Variants in TPCN1 observed in about 807,000 individuals in gnomAD.
TPCN1 encodes the protein two pore channel protein 1.
Under a neutral mutation model 108.8 loss-of-function variants are expected in TPCN1, and 52 were observed. The observed-to-expected ratio is 0.48, with a 90% CI of 0.38 to 0.60. The LOEUF (loss-of-function observed/expected upper bound fraction) is 0.60, where lower values mean the gene tolerates loss of function less well. Ranked by LOEUF, TPCN1 falls within the 20% of genes least tolerant of loss-of-function variation. The pLI is 0.00. For missense variants in TPCN1, 806 were observed against 1,072.8 expected (o/e 0.75, Z 3.47); for synonymous variants, 446 against 433.7 (o/e 1.03, Z -0.35).
At chr12:113,278,056 C>G in intron 12 of TPCN1, 133 bp from the exon 13 acceptor site, 1 of 691,624 alleles carries the variant, frequency 1.4e-6, no homozygotes, top group Non-Finnish European at 2.6e-6. Context: ...CACTGCTGTG[C>G]TGGGACTCAC....
chr12:113,230,030 T>C (rs1953625971), intron 2 of TPCN1, among the ~76,000 whole-genome samples: 1 of 152,220 alleles, frequency 6.6e-6, no homozygotes, highest in Non-Finnish European at 1.5e-5. Flanking sequence ...TCCACCTTGC[T>C]GGCAAGTCAG....
At chr12:113,225,245 G>C in intron 1 of TPCN1, 1 of 453,206 alleles carries the variant, frequency 2.2e-6, no homozygotes, top group South Asian at 1.6e-5. Context: ...ATTTTGTAGA[G>C]ATGGAGTCTT....
At chr12:113,255,402 A>C (rs1047696276) in intron 2 of TPCN1, among the ~76,000 whole-genome samples, 1 of 152,214 alleles carries the variant, frequency 6.6e-6, no homozygotes, top group Non-Finnish European at 1.5e-5. Context: ...AAAAGATCAA[A>C]ATAAACTGAC....
At chr12:113,247,840 C>T (rs931137763) in intron 2 of TPCN1, among the ~76,000 whole-genome samples, 13 of 152,228 alleles carry the variant, frequency 8.5e-5, no homozygotes, top group African/African-American at 3.1e-4. Flanking sequence ...ATCCCTCTCT[C>T]CGTGTGGAGA....
Position 113,269,686 on chromosome 12 carries a change from C to A in TPCN1, c.660-71C>A. 7.6e-7 allele frequency: 1 copy of A among 1,322,400 alleles called. No homozygotes were observed. Among genetic ancestry groups the A allele is most frequent in the Non-Finnish European group, 1.1e-6 (1 of 929,346 alleles). The allele number at this position is 1,322,400 out of a possible 1,614,324, so 81.9% of individuals were successfully genotyped here. On this transcript the variant is annotated intron_variant, in intron 6 of 27. Transcript: ENST00000335509. The surrounding 1 kb of genome is among the most constrained non-coding windows in gnomAD (Gnocchi z 5.0). ...CGAGTCAGAAGCACTAGGCCTCCAT[C>A]TCAACAAGGAGGAGTCCCAGGCAGC...
Position 113,289,234 on chromosome 12 carries a change from A to T in TPCN1, c.1796+387A>T, listed in dbSNP as rs1481591296. On this transcript the variant is annotated intron_variant, in intron 21 of 27. Transcript: ENST00000335509. This position sits in a 1 kb window ranked among gnomAD's most constrained non-coding sequence, Gnocchi z 4.1. ...TAGGATAAGACAGACGGACACGTGCAGGAAGGTCATGGTGCTCAGGGATGG... is the reference window on the plus strand; with the variant it reads ...TAGGATAAGACAGACGGACACGTGCTGGAAGGTCATGGTGCTCAGGGATGG... Among the ~76,000 whole-genome samples the T allele has an allele frequency of 6.6e-6, 1 of 152,230 alleles. No homozygotes were observed. The highest frequency in any genetic ancestry group is 1.5e-5 in the Non-Finnish European group (1 of 68,038).
chr12:113,266,152 C>G lies in TPCN1; in HGVS notation c.238-28C>G. On this transcript the variant is annotated intron_variant, in intron 3 of 27. Coordinates refer to ENST00000335509, the MANE Select transcript of TPCN1 (RefSeq NM_017901.6). The surrounding 1 kb of genome is among the most constrained non-coding windows in gnomAD (Gnocchi z 4.2). ...GGCGTTGGATGGGTCTCCAGGCTTACATGCCCACACTACTCTCATCTTTTC... is the reference window on the plus strand; with the variant it reads ...GGCGTTGGATGGGTCTCCAGGCTTAGATGCCCACACTACTCTCATCTTTTC... The G allele has an allele frequency of 6.2e-7, 1 of 1,611,764 alleles. No homozygotes were observed. Among genetic ancestry groups the G allele is most frequent in the Non-Finnish European group, 8.5e-7 (1 of 1,178,548 alleles).
At position 113,272,926 on chromosome 12, in the gene TPCN1, G is replaced by A. The variant is rs1399919989; in HGVS notation, c.783+234G>A. On this transcript the variant is annotated intron_variant, in intron 8 of 27. Coordinates refer to ENST00000335509, the MANE Select transcript of TPCN1 (RefSeq NM_017901.6). This position sits in a 1 kb window ranked among gnomAD's most constrained non-coding sequence, Gnocchi z 4.1. Reference sequence around the variant, plus strand: ...TTGAAAGGAGTGCCGCCAGGATCAGGTTTGGACCATTGGAATATTTTGGCA... The same window carrying A: ...TTGAAAGGAGTGCCGCCAGGATCAGATTTGGACCATTGGAATATTTTGGCA... Among the ~76,000 whole-genome samples the A allele has an allele frequency of 6.6e-6, 1 of 152,212 alleles. No homozygotes were observed. Among genetic ancestry groups the A allele is most frequent in the Admixed American group, 6.5e-5 (1 of 15,282 alleles).
chr12:113,240,206 G>A (rs1485770183), intron 2 of TPCN1, among the ~76,000 whole-genome samples: 1 of 152,170 alleles, frequency 6.6e-6, no homozygotes, highest in Non-Finnish European at 1.5e-5. Flanking sequence ...TGATTTTGTT[G>A]CATGTTGTTT....
chr12:113,276,630 A>G (rs937322493), intron 10 of TPCN1, among the ~76,000 whole-genome samples: 1 of 152,178 alleles, frequency 6.6e-6, no homozygotes, highest in Non-Finnish European at 1.5e-5. Flanking sequence ...TGTAGCTGGA[A>G]CTGGGGAAAG....
intron 2 of TPCN1, among the ~76,000 whole-genome samples, chr12:113,251,182 T>A (rs1954617903): frequency 6.6e-6 from 1 of 151,684 alleles, no homozygotes; most frequent in African/African-American, 2.4e-5. Context: ...ATGCCTATAG[T>A]CCCAGCTACT....
chr12:113,222,082 C>T (rs185736142), intron 1 of TPCN1, among the ~76,000 whole-genome samples: 1 of 152,238 alleles, frequency 6.6e-6, no homozygotes, highest in East Asian at 1.9e-4. Context: ...AAGCAAAGCC[C>T]GCGGAGGGAA....
chr12:113,295,443 T>TA (rs61221998), intron 27 of TPCN1, among the ~76,000 whole-genome samples: 9,429 of 91,992 alleles, frequency 0.1, 475 homozygotes, highest in East Asian at 0.25. Flanking sequence ...CTCTGTCTCC[T>TA]AAAAAAAAAA....
At chr12:113,286,499 G>A (rs534988143) in intron 18 of TPCN1, among the ~76,000 whole-genome samples, 1 of 128,850 alleles carries the variant, frequency 7.8e-6, no homozygotes, top group East Asian at 3.1e-4. Flanking sequence ...CGTGTCTGGA[G>A]AGGAGAGAGG....
At chr12:113,293,408 A>G in intron 27 of TPCN1, 59 bp downstream of exon 27, 1 of 1,519,640 alleles carries the variant, frequency 6.6e-7, no homozygotes, top group South Asian at 1.1e-5. Context: ...TGGGAGGGGC[A>G]GGGAGCTGCT....
intron 2 of TPCN1, among the ~76,000 whole-genome samples, chr12:113,249,076 A>G (rs967155813): frequency 3.3e-5 from 5 of 152,058 alleles, no homozygotes; most frequent in African/African-American, 1.2e-4. Flanking sequence ...CTGCCCCAAG[A>G]TTCTCTGTTG....
chr12:113,245,379 C>G (rs1371415313), intron 2 of TPCN1, among the ~76,000 whole-genome samples: 1 of 149,342 alleles, frequency 6.7e-6, no homozygotes, highest in South Asian at 2.1e-4. Flanking sequence ...GGGCGGATCA[C>G]GAGGTCAGGA....
chr12:113,250,448 G>A (rs1212976271), intron 2 of TPCN1, among the ~76,000 whole-genome samples: 1 of 152,230 alleles, frequency 6.6e-6, no homozygotes, highest in Non-Finnish European at 1.5e-5. Flanking sequence ...ACCAATAGCT[G>A]TGGAGCCTCT....
Position 113,251,139 on chromosome 12 carries a change from CA to C in TPCN1, c.113-9217del, listed in dbSNP as rs11386008. On this transcript the variant is annotated intron_variant, in intron 2 of 27. Transcript: ENST00000335509. ...TCAACATGGCAAGACCCCATCTCTA[CA>C]AAAAAAAAAAATTAGCTGGGCATGG... Among the ~76,000 whole-genome samples the C allele has an allele frequency of 5.1e-3, 726 of 142,236 alleles. 3 individuals carry two copies. The highest frequency in any genetic ancestry group is 8.7e-3 in the Non-Finnish European group (563 of 64,804). The allele number at this position is 142,236 out of a possible 152,430, so 93.3% of individuals were successfully genotyped here. A position where few individuals can be genotyped will look rare whatever the true frequency, so the allele number is the denominator to read the frequency against.
Sources: gnomAD v4.1 joint callset for allele counts (sites outside exome capture counted in the v4.1 genomes callset) on GRCh38, gnomAD v4.1.1 for gene constraint, Gnocchi (gnomAD v3.1) non-coding constraint, MANE v1.5 for transcripts, NCBI Gene and HGNC (gene_info 2026-07-23, HGNC 2026-07-21) for gene names.